Variants in CNBD1 observed in about 807,000 individuals in gnomAD.
The protein encoded by CNBD1 is cyclic nucleotide-binding domain-containing protein 1.
Under a neutral mutation model 54.4 loss-of-function variants are expected in CNBD1, and 71 were observed. The ratio of observed to expected loss-of-function variants is 1.30; its 90% CI spans 1.08 to 1.59. The LOEUF (loss-of-function observed/expected upper bound fraction) is 1.59. Among genes scored for constraint, CNBD1 ranks in the 40% most tolerant of loss-of-function variants. The probability of loss-of-function intolerance (pLI) is 0.00; values close to 1 mark genes in which losing one functional copy is unlikely to be tolerated. For synonymous variants in CNBD1, 182 were observed against 170.7 expected (o/e 1.07, Z -0.51); for missense variants, 659 against 518.0 (o/e 1.27, Z -2.64).
At chr8:86,984,203 A>G (rs950731089) in intron 4 of CNBD1, among the ~76,000 whole-genome samples, 2 of 152,182 alleles carry the variant, frequency 1.3e-5, no homozygotes, top group East Asian at 3.9e-4. Context: ...CAGCTTCCAC[A>G]TGATATTGAG....
At chr8:87,263,926 T>G (rs960581583) in intron 6 of CNBD1, among the ~76,000 whole-genome samples, 3 of 152,296 alleles carry the variant, frequency 2.0e-5, no homozygotes, top group African/African-American at 7.2e-5. Context: ...TCAAATCTTA[T>G]TATACTCTTT....
chr8:87,083,543 C>CTCT (rs1213015840), intron 4 of CNBD1, among the ~76,000 whole-genome samples: 1 of 151,922 alleles, frequency 6.6e-6, no homozygotes, highest in African/African-American at 2.4e-5. Context: ...ACTCCCCACC[C>CTCT]TCTTCCCCTG....
chr8:86,987,399 C>A (rs181703257), intron 4 of CNBD1, among the ~76,000 whole-genome samples: 1 of 152,120 alleles, frequency 6.6e-6, no homozygotes, highest in East Asian at 1.9e-4. Context: ...GTTCTAGGGG[C>A]CTTTTGGCAG....
chr8:86,995,774 G>C (rs1808858184), intron 4 of CNBD1, among the ~76,000 whole-genome samples: 1 of 151,882 alleles, frequency 6.6e-6, no homozygotes, highest in Non-Finnish European at 1.5e-5. Flanking sequence ...AACTGGTCAG[G>C]CTGGCGTTCT....
In CNBD1 at chr8:86,954,805, C is replaced by T. The variant is rs1268215718; in HGVS notation, c.431+15051C>T. On this transcript the variant is annotated intron_variant, in intron 4 of 10. Coordinates refer to ENST00000518476, the MANE Select transcript of CNBD1 (RefSeq NM_173538.3). ...GCATATGTCCCCAGGCCTTACCAAACTGTAAAGCAGGAAAGTTGAACAATT... is the reference window on the plus strand; with the variant it reads ...GCATATGTCCCCAGGCCTTACCAAATTGTAAAGCAGGAAAGTTGAACAATT... 3.3e-5 allele frequency among the ~76,000 whole-genome samples: 5 copies of T among 152,284 alleles called. No homozygotes were observed. The South Asian group carries it at 1.0e-3, about 32-fold the overall frequency.
At chr8:87,228,010 C>A (rs1372039067) in intron 5 of CNBD1, among the ~76,000 whole-genome samples, 3 of 151,602 alleles carry the variant, frequency 2.0e-5, no homozygotes, top group African/African-American at 7.3e-5. Flanking sequence ...ATCACTGATA[C>A]CCTTTCTTCC....
chr8:86,892,604 A>G (rs1808786497), intron 2 of CNBD1, among the ~76,000 whole-genome samples: 1 of 152,136 alleles, frequency 6.6e-6, no homozygotes, highest in Non-Finnish European at 1.5e-5. Context: ...TTTAAGATTT[A>G]TAGTAAATCT....
chr8:87,399,329 A>G (rs1324513817), intron 2 of CNBD1, among the ~76,000 whole-genome samples: 1 of 152,046 alleles, frequency 6.6e-6, no homozygotes, highest in Non-Finnish European at 1.5e-5. Context: ...GCATGTGCAC[A>G]ATAGGAATGA....
chr8:87,228,282 G>C (rs1436768467), intron 5 of CNBD1, among the ~76,000 whole-genome samples: 3 of 151,450 alleles, frequency 2.0e-5, no homozygotes, highest in African/African-American at 7.4e-5. Context: ...CGTTGCTGGT[G>C]ATGAGCTGCA....
At chr8:86,999,270 G>A (rs967926915) in intron 4 of CNBD1, among the ~76,000 whole-genome samples, 4 of 152,164 alleles carry the variant, frequency 2.6e-5, no homozygotes, top group African/African-American at 9.7e-5. Flanking sequence ...GGCAGCCTTG[G>A]GCTGGTAGGA....
chr8:87,305,855 C>G lies in CNBD1; in HGVS notation c.1042+19184C>G, dbSNP rs1201021214. Among the ~76,000 whole-genome samples the G allele has an allele frequency of 3.9e-5, 6 of 152,266 alleles. No homozygotes were observed. The East Asian group carries it at 1.2e-3, about 29-fold the overall frequency. On this transcript the variant is annotated intron_variant, in intron 8 of 10. Transcript: ENST00000518476. ...TAGTCATTGGCTTAAACAAGGATTT[C>G]ATGACCAAGAACCCAAAAGCAAATG...
intron 4 of CNBD1, among the ~76,000 whole-genome samples, chr8:86,975,274 AT>A (rs1172271517): frequency 1.3e-5 from 2 of 151,980 alleles, no homozygotes; most frequent in Non-Finnish European, 2.9e-5. Context: ...CTTTTTAGCA[AT>A]TTAAAATGTA....
chr8:87,111,364 T>C (rs1811658006), intron 4 of CNBD1, among the ~76,000 whole-genome samples: 1 of 152,210 alleles, frequency 6.6e-6, no homozygotes, highest in Admixed American at 6.5e-5. Flanking sequence ...TGGCCAGCAC[T>C]CTGGTTATTA....
At chr8:86,983,983 G>A (rs1437377957) in intron 4 of CNBD1, among the ~76,000 whole-genome samples, 1 of 152,130 alleles carries the variant, frequency 6.6e-6, no homozygotes, top group Non-Finnish European at 1.5e-5. Context: ...TGTCTCCAGG[G>A]CATGTCAGAG....
At chr8:86,910,420 C>T (rs1809083506) in intron 3 of CNBD1, among the ~76,000 whole-genome samples, 1 of 151,616 alleles carries the variant, frequency 6.6e-6, no homozygotes, top group African/African-American at 2.4e-5. Flanking sequence ...TTTTTTTCAA[C>T]CAGAATAATC....
intron 4 of CNBD1, among the ~76,000 whole-genome samples, chr8:87,006,280 A>G (rs1447612951): frequency 3.3e-5 from 5 of 152,074 alleles, no homozygotes; most frequent in Admixed American, 2.6e-4. Flanking sequence ...GTTCTAGGTG[A>G]CCTTTATGGA....
chr8:87,263,734 A>G (rs992890057), intron 6 of CNBD1, among the ~76,000 whole-genome samples: 7 of 152,108 alleles, frequency 4.6e-5, no homozygotes, highest in Admixed American at 2.0e-4. Context: ...AGCTTAATGG[A>G]TAACATATTT....
intron 8 of CNBD1, among the ~76,000 whole-genome samples, chr8:87,299,773 C>G (rs147728708): frequency 6.6e-6 from 1 of 152,112 alleles, no homozygotes. Context: ...AGATGTGGCC[C>G]TATGCTAGGG....
At chr8:86,957,194 G>A (rs1807799104) in intron 4 of CNBD1, among the ~76,000 whole-genome samples, 1 of 152,164 alleles carries the variant, frequency 6.6e-6, no homozygotes, top group Non-Finnish European at 1.5e-5. Flanking sequence ...GATTGTGGTG[G>A]ATAAGCTTTT....
Sources: gnomAD v4.1 joint callset for allele counts (sites outside exome capture counted in the v4.1 genomes callset) on GRCh38, gnomAD v4.1.1 for gene constraint, MANE v1.5 for transcripts, NCBI Gene and HGNC (gene_info 2026-07-23, HGNC 2026-07-21) for gene names.